The following STAT3 variants were observed in gnomAD, a reference collection of about 807,000 sequenced individuals.
STAT3 encodes DNA-binding protein APRF.
A neutral mutation model predicts 114.3 loss-of-function variants in STAT3; 7 were observed. The observed-to-expected ratio is 0.06, with a 90% CI of 0.03 to 0.11. The LOEUF (loss-of-function observed/expected upper bound fraction) is 0.11, where lower values mean the gene tolerates loss of function less well. Among genes scored for constraint, STAT3 ranks in the 10% least tolerant of loss-of-function variants. The probability of loss-of-function intolerance (pLI) is 1.00; values close to 1 mark genes in which losing one functional copy is unlikely to be tolerated. For missense variants in STAT3, 364 were observed against 960.9 expected (o/e 0.38, Z 8.21); for synonymous variants, 331 against 354.5 (o/e 0.93, Z 0.74).
intron 1 of STAT3, among the ~76,000 whole-genome samples, chr17:42,348,996 G>A (rs1465471673): frequency 2.0e-5 from 3 of 152,088 alleles, no homozygotes; most frequent in African/African-American, 7.2e-5. Context: ...CTCCCGAGGA[G>A]CTGGGACTAT....
At chr17:42,326,723 G>C (rs2144735758) in intron 14 of STAT3, among the ~76,000 whole-genome samples, 1 of 152,266 alleles carries the variant, frequency 6.6e-6, no homozygotes, top group Admixed American at 6.5e-5. Context: ...AGGAGGCTGA[G>C]GCAGGAGAAT....
chr17:42,348,770 C>A (rs1258336130), intron 1 of STAT3, among the ~76,000 whole-genome samples: 1 of 152,150 alleles, frequency 6.6e-6, no homozygotes, highest in African/African-American at 2.4e-5. Context: ...AAGTGATCCT[C>A]CCACCTTGGC....
chr17:42,386,736 A>G (rs578235739), intron 1 of STAT3, among the ~76,000 whole-genome samples: 1 of 152,320 alleles, frequency 6.6e-6, no homozygotes, highest in East Asian at 1.9e-4. Context: ...CAAATGAACT[A>G]CATAAAAAAC....
chr17:42,365,949 C>T (rs777846767), intron 1 of STAT3, among the ~76,000 whole-genome samples: 9 of 152,082 alleles, frequency 5.9e-5, no homozygotes, highest in Non-Finnish European at 1.2e-4. Context: ...CCACCGTGCC[C>T]GGCCTGTTAA....
intron 1 of STAT3, among the ~76,000 whole-genome samples, chr17:42,370,766 C>T (rs1364079961): frequency 6.7e-6 from 1 of 148,436 alleles, no homozygotes; most frequent in Non-Finnish European, 1.5e-5. Context: ...CAACACCCAG[C>T]TAATTTTTTT....
In STAT3 at chr17:42,334,001, C is replaced by T. The variant is rs1333890623; in HGVS notation, c.846G>A (p.Lys282=). Residue 282 remains lysine (K), a synonymous_variant, in exon 9 of 24, where the codon AAG becomes AAA. Transcript: ENST00000264657. Reference sequence around the variant, plus strand: ...CTTTTTGCTGCAACTCCTCCAGTTTCTTAATTTGTTGACGGGTCTGAAGTT... The same window carrying T: ...CTTTTTGCTGCAACTCCTCCAGTTTTTTAATTTGTTGACGGGTCTGAAGTT... ...ESQLQTRQQI[K]KLEELQQKVS... is the part of the protein sequence containing the mutation. 5.6e-6 allele frequency: 9 copies of T among 1,614,154 alleles called. No individual in the cohort carries two copies. The highest frequency in any genetic ancestry group is 7.6e-6 in the Non-Finnish European group (9 of 1,180,034).
chr17:42,352,070 G>A (rs1378086736), intron 1 of STAT3, among the ~76,000 whole-genome samples: 2 of 152,058 alleles, frequency 1.3e-5, no homozygotes, highest in Non-Finnish European at 2.9e-5. Flanking sequence ...GCTGGGCACG[G>A]TGGCTCACAC....
At chr17:42,320,993 C>T (rs553989901) in intron 21 of STAT3, among the ~76,000 whole-genome samples, 2 of 151,598 alleles carry the variant, frequency 1.3e-5, no homozygotes, top group South Asian at 4.2e-4. Flanking sequence ...TGCTATGTTG[C>T]CAGGCTGGTC....
At chr17:42,367,477 C>G (rs1374642501) in intron 1 of STAT3, among the ~76,000 whole-genome samples, 1 of 152,130 alleles carries the variant, frequency 6.6e-6, no homozygotes, top group African/African-American at 2.4e-5. Flanking sequence ...TTCCCTACAA[C>G]TCTCCCCTTG....
At chr17:42,384,136 T>TTTA (rs1567764236) in intron 1 of STAT3, among the ~76,000 whole-genome samples, 19 of 130,964 alleles carry the variant, frequency 1.5e-4, no homozygotes, top group African/African-American at 5.3e-4. Flanking sequence ...TTATTTATTT[T>TTTA]TTTTTTTTTT....
At chr17:42,332,537 CAAAAAAAAAAAA>C (rs759010924) in intron 10 of STAT3, among the ~76,000 whole-genome samples, 18 of 40,784 alleles carry the variant, frequency 4.4e-4, no homozygotes, top group African/African-American at 1.1e-3. Context: ...GACTCCATCT[CAAAAAAAAAAAA>C]AAAAAAAAAA....
At chr17:42,362,720 A>G (rs2083576704) in intron 1 of STAT3, among the ~76,000 whole-genome samples, 1 of 152,172 alleles carries the variant, frequency 6.6e-6, no homozygotes, top group Admixed American at 6.5e-5. Context: ...CGAGCTAATG[A>G]ACACGTAGCA....
At chr17:42,340,496 T>C (rs1598428418) in intron 4 of STAT3, among the ~76,000 whole-genome samples, 2 of 149,436 alleles carry the variant, frequency 1.3e-5, no homozygotes, top group South Asian at 4.2e-4. Flanking sequence ...GAAAGAGACC[T>C]CATCTCAACC....
intron 15 of STAT3, among the ~76,000 whole-genome samples, 178 bp downstream of exon 15, chr17:42,325,938 C>G (rs1315509585): frequency 1.3e-5 from 2 of 152,188 alleles, no homozygotes; most frequent in African/African-American, 4.8e-5. Flanking sequence ...AGCATTCAAG[C>G]AAGACTTTAT....
chr17:42,347,557 A>T (rs902542368), intron 2 of STAT3, among the ~76,000 whole-genome samples: 1 of 152,178 alleles, frequency 6.6e-6, no homozygotes, highest in Non-Finnish European at 1.5e-5. Context: ...AATGGAATCT[A>T]CTTCCCTTAT....
At position 42,314,451 on chromosome 17, in the gene STAT3, C is replaced by A. The variant is rs556139569; in HGVS notation, c.*1294G>T. ...ACCTTTAGACACGCAAGGAGACATGCCTCTAGCAGGATCAGGGGGACTGGG... is the reference window on the plus strand; with the variant it reads ...ACCTTTAGACACGCAAGGAGACATGACTCTAGCAGGATCAGGGGGACTGGG... On this transcript the variant is annotated 3_prime_UTR_variant, in exon 24 of 24. Coordinates refer to ENST00000264657, the MANE Select transcript of STAT3 (RefSeq NM_139276.3). 8.9e-6 allele frequency: 2 copies of A among 224,704 alleles called. No homozygotes were observed. Among genetic ancestry groups the A allele is most frequent in the African/African-American group, 2.2e-5 (1 of 44,496 alleles). The allele number at this position is 224,704 out of a possible 1,614,324, so 13.9% of individuals were successfully genotyped here.
chr17:42,362,094 TG>T (rs1352255952), intron 1 of STAT3, among the ~76,000 whole-genome samples: 2 of 152,176 alleles, frequency 1.3e-5, no homozygotes, highest in African/African-American at 4.8e-5. Flanking sequence ...ATGCTCAGCA[TG>T]GTAAATGTCA....
chr17:42,379,847 C>A (rs937096682), intron 1 of STAT3, among the ~76,000 whole-genome samples: 4 of 152,108 alleles, frequency 2.6e-5, no homozygotes, highest in African/African-American at 9.7e-5. Context: ...ATATGACAGC[C>A]TCAATTTCCT....
In STAT3 at chr17:42,323,636, GAA is replaced by G. The variant is rs1295195602; in HGVS notation, c.1601-13_1601-12del. ...AATTCACACCAGGTCCTGAAGGAAA[GAA>G]AAAGAGTCAAGTAGTACATTTTCAG... On this transcript the variant is annotated splice_polypyrimidine_tract_variant and intron_variant, in intron 17 of 23. Transcript: ENST00000264657. The G allele has an allele frequency of 6.3e-6, 10 of 1,580,090 alleles. No individual in the cohort carries two copies. Among genetic ancestry groups the G allele is most frequent in the Middle Eastern group, 1.7e-4 (1 of 6,012 alleles).
Sources: allele counts gnomAD v4.1 joint callset (sites outside exome capture counted in the v4.1 genomes callset), GRCh38; gene constraint gnomAD v4.1.1; transcripts MANE v1.5; gene names NCBI Gene and HGNC (gene_info 2026-07-23, HGNC 2026-07-21).